GRM7: variants seen among roughly 807,000 people sequenced by gnomAD.
GRM7 encodes the protein metabotropic glutamate receptor 7.
In GRM7, 35 loss-of-function variants were observed where a neutral mutation model predicts 84.5. The observed-to-expected ratio is 0.41, with a 90% CI of 0.32 to 0.55. The LOEUF (loss-of-function observed/expected upper bound fraction) is 0.55, where lower values mean the gene tolerates loss of function less well. GRM7 is among the 20% of genes least tolerant of loss of function. The probability of loss-of-function intolerance (pLI) is 0.19; values close to 1 mark genes in which losing one functional copy is unlikely to be tolerated. For synonymous variants in GRM7, 487 were observed against 455.1 expected, an observed-to-expected ratio of 1.07 and a Z score of -0.89; for missense variants, 1,003 against 1,194.6, an observed-to-expected ratio of 0.84 and a Z score of 2.36.
At chr3:7,424,994 A>G (rs1400287659) in intron 5 of GRM7, among the ~76,000 whole-genome samples, 1 of 152,178 alleles carries the variant, frequency 6.6e-6, no homozygotes, top group Non-Finnish European at 1.5e-5. Flanking sequence ...ACCCAATGGT[A>G]CATAGAGCTT....
At chr3:7,156,185 A>T (rs1440094793) in intron 2 of GRM7, among the ~76,000 whole-genome samples, 1 of 152,196 alleles carries the variant, frequency 6.6e-6, no homozygotes, top group Non-Finnish European at 1.5e-5. Flanking sequence ...AAACAAAAAG[A>T]TCATGAGAGT....
At chr3:7,405,011 C>T (rs759587051) in intron 4 of GRM7, among the ~76,000 whole-genome samples, 33 of 152,018 alleles carry the variant, frequency 2.2e-4, no homozygotes, top group Non-Finnish European at 3.4e-4. Flanking sequence ...CATATTGAAC[C>T]GGAACTTCTA....
intron 5 of GRM7, among the ~76,000 whole-genome samples, chr3:7,448,629 T>C (rs1697631273): frequency 6.6e-6 from 1 of 152,138 alleles, no homozygotes; most frequent in African/African-American, 2.4e-5. Flanking sequence ...TTATAAAACA[T>C]AAACTTGTCA....
chr3:7,425,672 A>G (rs1696577390), intron 5 of GRM7, among the ~76,000 whole-genome samples: 1 of 152,248 alleles, frequency 6.6e-6, no homozygotes, highest in East Asian at 1.9e-4. Flanking sequence ...TTGGATTACA[A>G]GATGCTATTG....
Position 7,353,099 on chromosome 3 carries a change from C to T in GRM7, c.1033+46447C>T, listed in dbSNP as rs554114921. 1.2e-3 allele frequency among the ~76,000 whole-genome samples: 187 copies of T among 152,128 alleles called. 1 individual carries two copies. Among genetic ancestry groups the T allele is most frequent in the African/African-American group, 4.1e-3 (172 of 41,524 alleles). ...TGTGCAGTAGTGGTTGCCTCTGAGG[C>T]GGTCACTAGGCAAGACACTGCTGAT... On this transcript the variant is annotated intron_variant, in intron 4 of 9. Transcript: ENST00000357716.
chr3:7,082,156 T>C (rs1027222318), intron 1 of GRM7, among the ~76,000 whole-genome samples: 1 of 152,092 alleles, frequency 6.6e-6, no homozygotes, highest in Non-Finnish European at 1.5e-5. Context: ...TCTGGGACTT[T>C]TGTAGGTATA....
chr3:7,189,479 A>G (rs1695634725), intron 2 of GRM7, among the ~76,000 whole-genome samples: 1 of 152,224 alleles, frequency 6.6e-6, no homozygotes, highest in Non-Finnish European at 1.5e-5. Context: ...ATTGCCTGGC[A>G]TATAGCAAAT....
chr3:7,699,605 A>G (rs1701151929), intron 9 of GRM7, among the ~76,000 whole-genome samples: 1 of 152,156 alleles, frequency 6.6e-6, no homozygotes, highest in Non-Finnish European at 1.5e-5. Flanking sequence ...CATTTTCAAA[A>G]ATTAGCGAAT....
At chr3:7,006,863 A>G (rs528353090) in intron 1 of GRM7, among the ~76,000 whole-genome samples, 1 of 152,246 alleles carries the variant, frequency 6.6e-6, no homozygotes, top group Admixed American at 6.5e-5. Flanking sequence ...TGAAGGAAAT[A>G]TAGGGATAAA....
intron 5 of GRM7, among the ~76,000 whole-genome samples, chr3:7,452,194 G>A (rs1034277120): frequency 9.2e-5 from 14 of 152,078 alleles, no homozygotes; most frequent in Non-Finnish European, 1.3e-4. Flanking sequence ...CAACAGAGAC[G>A]GTACAATAGG....
chr3:7,214,176 A>C (rs1402906831), intron 2 of GRM7, among the ~76,000 whole-genome samples: 5 of 152,070 alleles, frequency 3.3e-5, no homozygotes. Context: ...TAAATGAAGC[A>C]TCTTATATTG....
At chr3:7,625,838 A>G (rs1697582313) in intron 8 of GRM7, among the ~76,000 whole-genome samples, 1 of 152,194 alleles carries the variant, frequency 6.6e-6, no homozygotes, top group African/African-American at 2.4e-5. Flanking sequence ...AAGAGAGGCA[A>G]TGGCTGGAGA....
At chr3:7,044,737 C>G (rs1047928209) in intron 1 of GRM7, among the ~76,000 whole-genome samples, 2 of 151,738 alleles carry the variant, frequency 1.3e-5, no homozygotes, top group African/African-American at 4.8e-5. Context: ...ATTTAGTATT[C>G]TTTCTTAAGT....
At chr3:7,422,181 G>C (rs2124829724) in intron 5 of GRM7, among the ~76,000 whole-genome samples, 1 of 152,182 alleles carries the variant, frequency 6.6e-6, no homozygotes, top group Admixed American at 6.5e-5. Flanking sequence ...TTCCTCTCAA[G>C]GGCAGGTAGT....
chr3:7,411,113 G>A (rs912633595), intron 4 of GRM7, among the ~76,000 whole-genome samples: 2 of 152,074 alleles, frequency 1.3e-5, no homozygotes, highest in African/African-American at 4.8e-5. Flanking sequence ...TCTTCTGTAT[G>A]TATCTTATAA....
At chr3:7,226,412 G>T (rs544704911) in intron 2 of GRM7, among the ~76,000 whole-genome samples, 2 of 152,126 alleles carry the variant, frequency 1.3e-5, no homozygotes, top group East Asian at 1.9e-4. Flanking sequence ...TGGAGGTTTT[G>T]TAGGTCCTAG....
At chr3:7,155,116 A>G (rs1694406821) in intron 2 of GRM7, among the ~76,000 whole-genome samples, 2 of 152,182 alleles carry the variant, frequency 1.3e-5, no homozygotes, top group South Asian at 4.1e-4. Flanking sequence ...GAAGTCTGGC[A>G]TATCCAATAC....
At chr3:7,245,185 T>C (rs1697711240) in intron 2 of GRM7, among the ~76,000 whole-genome samples, 1 of 151,932 alleles carries the variant, frequency 6.6e-6, no homozygotes, top group Non-Finnish European at 1.5e-5. Flanking sequence ...TCAAGTAGCA[T>C]GACATACCCG....
chr3:7,503,438 A>G (rs1044369783), intron 7 of GRM7, among the ~76,000 whole-genome samples: 20 of 152,166 alleles, frequency 1.3e-4, no homozygotes, highest in Admixed American at 3.9e-4. Context: ...CTCCTTATGT[A>G]TCACATCAAA....
Sources: gnomAD v4.1 joint callset for allele counts (sites outside exome capture counted in the v4.1 genomes callset) on GRCh38, gnomAD v4.1.1 for gene constraint, MANE v1.5 for transcripts, NCBI Gene and HGNC (gene_info 2026-07-23, HGNC 2026-07-21) for gene names.